NCKAP1: variants seen among roughly 807,000 people sequenced by gnomAD.
NCKAP1 encodes the protein nck-associated protein 1.
Under a neutral mutation model 151.2 loss-of-function variants are expected in NCKAP1, and 21 were observed. That is an observed-to-expected ratio of 0.14 (90% confidence interval 0.10 to 0.20). The LOEUF (loss-of-function observed/expected upper bound fraction) is 0.20. Among genes scored for constraint, NCKAP1 ranks in the 10% least tolerant of loss-of-function variants. The pLI is 1.00. For missense variants in NCKAP1, 933 were observed against 1,352.1 expected, an observed-to-expected ratio of 0.69 and a Z score of 4.86; for synonymous variants, 484 against 451.8, an observed-to-expected ratio of 1.07 and a Z score of -0.90.
At chr2:182,957,826 C>T (rs1575029736) in intron 18 of NCKAP1, among the ~76,000 whole-genome samples, 1 of 152,020 alleles carries the variant, frequency 6.6e-6, no homozygotes, top group Admixed American at 6.6e-5. Flanking sequence ...TGAAGAAACA[C>T]GTCATAGAGT....
At chr2:182,959,682 C>G (rs1007710508) in intron 18 of NCKAP1, among the ~76,000 whole-genome samples, 1 of 152,184 alleles carries the variant, frequency 6.6e-6, no homozygotes, top group Non-Finnish European at 1.5e-5. Context: ...CAGCACAAGA[C>G]AGGGATGCCC....
chr2:183,029,821 G>GAA (rs71405500), intron 1 of NCKAP1, among the ~76,000 whole-genome samples: 1,218 of 49,158 alleles, frequency 0.025, 36 homozygotes, highest in African/African-American at 0.069. Flanking sequence ...ACCCTGACTC[G>GAA]AAAAAAAAAA....
chr2:183,003,522 A>G (rs1229022465), intron 2 of NCKAP1, among the ~76,000 whole-genome samples, 197 bp from the exon 3 acceptor site: 1 of 152,174 alleles, frequency 6.6e-6, no homozygotes, highest in Non-Finnish European at 1.5e-5. Context: ...GTGTGAGGCT[A>G]TAAAACAAAT....
intron 23 of NCKAP1, among the ~76,000 whole-genome samples, chr2:182,946,070 A>G (rs1697097083): frequency 6.6e-6 from 1 of 152,140 alleles, no homozygotes; most frequent in Admixed American, 6.5e-5. Flanking sequence ...AGAAAACCAA[A>G]CACCTCACAT....
intron 14 of NCKAP1, among the ~76,000 whole-genome samples, chr2:182,977,809 A>T (rs1697856915): frequency 6.6e-6 from 1 of 152,218 alleles, no homozygotes; most frequent in South Asian, 2.1e-4. Context: ...GAATATACTT[A>T]ACACTACTGA....
chr2:182,957,680 C>T, intron 18 of NCKAP1, 84 bp from the exon 19 acceptor site: 1 of 1,387,922 alleles, frequency 7.2e-7, no homozygotes, highest in Non-Finnish European at 9.8e-7. Context: ...GTAGCTGAAT[C>T]CAGGCTGTGT....
chr2:182,948,413 A>G (rs1020591834), intron 23 of NCKAP1, among the ~76,000 whole-genome samples: 2 of 152,112 alleles, frequency 1.3e-5, no homozygotes, highest in African/African-American at 4.8e-5. Flanking sequence ...GTCGTTCCGC[A>G]TTCCCCTAAC....
chr2:182,954,559 AAAACC>A (rs1024622026), intron 20 of NCKAP1, among the ~76,000 whole-genome samples: 2 of 152,190 alleles, frequency 1.3e-5, no homozygotes, highest in African/African-American at 4.8e-5. Context: ...TTGATTGACA[AAAACC>A]AACCCACTAA....
At chr2:182,992,579 A>C (rs1474471458) in intron 8 of NCKAP1, among the ~76,000 whole-genome samples, 2 of 152,234 alleles carry the variant, frequency 1.3e-5, no homozygotes, top group African/African-American at 4.8e-5. Context: ...AGCAAGATCA[A>C]AACTCTGAAA....
intron 8 of NCKAP1, among the ~76,000 whole-genome samples, chr2:182,990,135 G>A (rs545366073): frequency 2.6e-5 from 4 of 151,978 alleles, no homozygotes; most frequent in East Asian, 1.9e-4. Context: ...AGTTCATTAA[G>A]TCTTCTCATA....
chr2:183,005,121 A>G (rs1698445969), intron 2 of NCKAP1, among the ~76,000 whole-genome samples: 1 of 152,172 alleles, frequency 6.6e-6, no homozygotes, highest in Non-Finnish European at 1.5e-5. Context: ...ATTCGACAAC[A>G]TTAAACATTT....
At chr2:182,993,081 G>C (rs1337783902) in intron 8 of NCKAP1, among the ~76,000 whole-genome samples, 1 of 152,168 alleles carries the variant, frequency 6.6e-6, no homozygotes, top group Non-Finnish European at 1.5e-5. Flanking sequence ...ATTGGTTCCA[G>C]GACCATCAAC....
intron 30 of NCKAP1, 36 bp downstream of exon 30, chr2:182,926,780 T>G (rs772997539): frequency 7.1e-7 from 1 of 1,404,424 alleles, no homozygotes. Flanking sequence ...CGACTGGAAC[T>G]TTTTTATTGT....
At position 182,928,956 on chromosome 2, in the gene NCKAP1, T is replaced by C; in HGVS notation, c.2954-57A>G. The C allele has an allele frequency of 3.4e-6, 4 of 1,170,106 alleles. No individual in the cohort carries two copies. In the East Asian group the frequency reaches 7.4e-5, roughly 22 times the overall value. 72.5% of individuals were successfully genotyped at this position (1,170,106 alleles called of 1,614,324 possible). On this transcript the variant is annotated intron_variant, in intron 27 of 30. Transcript: ENST00000361354. ...GTATTTCTTCAAGATTAGTTAAGAT[T>C]TGATAATCTAAACTAAACAGATTTT...
At chr2:183,017,826 G>C (rs1159772198) in intron 2 of NCKAP1, among the ~76,000 whole-genome samples, 1 of 152,184 alleles carries the variant, frequency 6.6e-6, no homozygotes, top group Non-Finnish European at 1.5e-5. Flanking sequence ...AGTCCAAAAA[G>C]TCAAAGAGGT....
intron 24 of NCKAP1, 133 bp from the exon 25 acceptor site, chr2:182,935,508 G>C (rs111518996): frequency 1.9e-6 from 1 of 537,792 alleles, no homozygotes. Flanking sequence ...ACAGTAATTT[G>C]ATTACAATAA....
rs1488120699 is a variant in NCKAP1, at chr2:182,910,314, C to T, written c.*15388G>A. On this transcript the variant is annotated 3_prime_UTR_variant, in exon 31 of 31. Transcript: ENST00000361354. ...AAAGCCAGCATGATTTGTGTTTCTG[C>T]ATCCAGGCAAATGTACTAAAATTCT... 6.6e-6 allele frequency: 1 copy of T among 152,256 alleles called. No homozygotes were observed. Among genetic ancestry groups the T allele is most frequent in the Admixed American group, 6.5e-5 (1 of 15,280 alleles). The allele number at this position is 152,256 out of a possible 1,614,324, so 9.4% of individuals were successfully genotyped here.
intron 15 of NCKAP1, among the ~76,000 whole-genome samples, chr2:182,975,718 C>A (rs1402638731): frequency 6.6e-6 from 1 of 151,988 alleles, no homozygotes; most frequent in Non-Finnish European, 1.5e-5. Context: ...TCAGCCTGGA[C>A]AACATAGCAA....
At chr2:182,973,537 T>C (rs1020737744) in intron 15 of NCKAP1, among the ~76,000 whole-genome samples, 6 of 152,034 alleles carry the variant, frequency 3.9e-5, no homozygotes, top group Non-Finnish European at 7.4e-5. Context: ...AAAAAAGCAA[T>C]GACCTTAGAA....
Sources: gnomAD v4.1 joint callset for allele counts (sites outside exome capture counted in the v4.1 genomes callset) on GRCh38, gnomAD v4.1.1 for gene constraint, MANE v1.5 for transcripts, NCBI Gene and HGNC (gene_info 2026-07-23, HGNC 2026-07-21) for gene names.